BTBD9: variants seen among roughly 807,000 people sequenced by gnomAD.
BTBD9 encodes BTB/POZ domain-containing protein 9.
In BTBD9, 49 loss-of-function variants were observed where a neutral mutation model predicts 64.3. The observed-to-expected ratio is 0.76, with a 90% confidence interval of 0.61 to 0.97. The LOEUF (loss-of-function observed/expected upper bound fraction) is 0.97. Among genes scored for constraint, BTBD9 ranks in the 50% least tolerant of loss-of-function variants. The pLI is 0.00. For synonymous variants in BTBD9, 260 were observed against 274.7 expected, an observed-to-expected ratio of 0.95 and a Z score of 0.53; for missense variants, 598 against 762.1, an observed-to-expected ratio of 0.78 and a Z score of 2.53.
At chr6:38,319,795 G>A (rs1763164844) in intron 7 of BTBD9, among the ~76,000 whole-genome samples, 1 of 152,024 alleles carries the variant, frequency 6.6e-6, no homozygotes, top group Non-Finnish European at 1.5e-5. Context: ...AGCTGCCCTG[G>A]TTGGTGTCTC....
chr6:38,354,722 G>A (rs1764648599), intron 6 of BTBD9, among the ~76,000 whole-genome samples: 1 of 151,906 alleles, frequency 6.6e-6, no homozygotes, highest in Non-Finnish European at 1.5e-5. Flanking sequence ...TTAGTGAAAG[G>A]ATCGTTAAAG....
chr6:38,268,963 C>T (rs1173663979), intron 8 of BTBD9, among the ~76,000 whole-genome samples: 4 of 152,194 alleles, frequency 2.6e-5, no homozygotes, highest in African/African-American at 4.8e-5. Context: ...GGAATTTCCT[C>T]CCTGTTAGTC....
chr6:38,201,477 G>A (rs1319469954), intron 9 of BTBD9, among the ~76,000 whole-genome samples: 1 of 152,086 alleles, frequency 6.6e-6, no homozygotes, highest in African/African-American at 2.4e-5. Context: ...CAAACCCATA[G>A]CTAACATCGT....
intron 9 of BTBD9, among the ~76,000 whole-genome samples, chr6:38,216,737 C>T (rs933622790): frequency 9.2e-5 from 14 of 152,188 alleles, no homozygotes; most frequent in South Asian, 4.1e-4. Context: ...AGGAATACAG[C>T]AACCACCTTC....
At chr6:38,368,362 T>C (rs978111794) in intron 6 of BTBD9, among the ~76,000 whole-genome samples, 4 of 151,704 alleles carry the variant, frequency 2.6e-5, no homozygotes, top group Non-Finnish European at 5.9e-5. Flanking sequence ...GGGAATGGAG[T>C]CTTGCTCTGT....
At chr6:38,307,966 T>C (rs1418656360) in intron 7 of BTBD9, among the ~76,000 whole-genome samples, 1 of 152,192 alleles carries the variant, frequency 6.6e-6, no homozygotes, top group African/African-American at 2.4e-5. Context: ...CAACAGTAGA[T>C]CTCAAACATA....
intron 6 of BTBD9, among the ~76,000 whole-genome samples, chr6:38,557,501 A>C (rs530099891): frequency 9.0e-4 from 137 of 152,360 alleles, no homozygotes; most frequent in Non-Finnish European, 1.5e-3. Context: ...TTGGACAATA[A>C]TACTTATTTC....
intron 6 of BTBD9, among the ~76,000 whole-genome samples, chr6:38,572,785 G>A (rs546128545): frequency 2.0e-5 from 3 of 149,038 alleles, no homozygotes; most frequent in East Asian, 3.9e-4. Flanking sequence ...AACAAGTAGT[G>A]GAAAAAATAT....
intron 10 of BTBD9, among the ~76,000 whole-genome samples, chr6:38,175,551 G>A (rs1193524019): frequency 1.0e-5 from 1 of 99,550 alleles, no homozygotes; most frequent in Non-Finnish European, 2.8e-5. Context: ...GTCAACAGGA[G>A]TTGACTGGTG....
intron 4 of BTBD9, among the ~76,000 whole-genome samples, chr6:38,586,788 C>T (rs764978820): frequency 9.2e-5 from 14 of 152,102 alleles, no homozygotes; most frequent in Non-Finnish European, 1.3e-4. Flanking sequence ...ACTGGCCAGG[C>T]GTGGTGGCTC....
intron 6 of BTBD9, among the ~76,000 whole-genome samples, chr6:38,460,611 G>C (rs1582465662): frequency 6.6e-6 from 1 of 152,018 alleles, no homozygotes; most frequent in Non-Finnish European, 1.5e-5. Flanking sequence ...TTCACAGTTA[G>C]GGTTTTTTTT....
At chr6:38,275,862 G>A (rs1275016323) in intron 8 of BTBD9, among the ~76,000 whole-genome samples, 1 of 151,964 alleles carries the variant, frequency 6.6e-6, no homozygotes, top group Non-Finnish European at 1.5e-5. Context: ...GTGCTGGAGA[G>A]GATGTGGAGA....
intron 5 of BTBD9, among the ~76,000 whole-genome samples, chr6:38,578,002 T>C (rs1174532342): frequency 1.3e-5 from 2 of 152,160 alleles, no homozygotes; most frequent in Non-Finnish European, 2.9e-5. Flanking sequence ...ACACAGTGCT[T>C]GGCACATCAG....
intron 7 of BTBD9, among the ~76,000 whole-genome samples, chr6:38,304,966 T>A (rs965876496): frequency 6.6e-6 from 1 of 151,650 alleles, no homozygotes; most frequent in Non-Finnish European, 1.5e-5. Flanking sequence ...GTGAGTTTCA[T>A]AAGGGCAGGA....
chr6:38,590,992 A>G (rs1562386148), intron 4 of BTBD9, among the ~76,000 whole-genome samples: 1 of 152,142 alleles, frequency 6.6e-6, no homozygotes, highest in African/African-American at 2.4e-5. Flanking sequence ...GGTAGTATCA[A>G]TTGTGCACAG....
At chr6:38,203,784 G>A (rs942652455) in intron 9 of BTBD9, among the ~76,000 whole-genome samples, 12 of 150,334 alleles carry the variant, frequency 8.0e-5, no homozygotes, top group African/African-American at 2.5e-4. Flanking sequence ...AAGAAAGGGG[G>A]GTGAATAGGT....
intron 6 of BTBD9, among the ~76,000 whole-genome samples, chr6:38,553,178 T>C (rs1464389810): frequency 6.6e-6 from 1 of 152,230 alleles, no homozygotes; most frequent in Non-Finnish European, 1.5e-5. Flanking sequence ...ATATTTTCAA[T>C]CTGCAGTTGG....
At chr6:38,435,853 G>A (rs1015809076) in intron 6 of BTBD9, among the ~76,000 whole-genome samples, 4 of 151,222 alleles carry the variant, frequency 2.6e-5, no homozygotes, top group Admixed American at 2.6e-4. Flanking sequence ...ATTTTTAGTA[G>A]AGATGGAGTT....
chr6:38,619,761 C>T (rs1039787772), intron 1 of BTBD9, among the ~76,000 whole-genome samples: 1 of 152,198 alleles, frequency 6.6e-6, no homozygotes, highest in African/African-American at 2.4e-5. Context: ...AGGTACATTA[C>T]CATCTGAGGA....
Sources: gnomAD v4.1 joint callset for allele counts (sites outside exome capture counted in the v4.1 genomes callset) on GRCh38, gnomAD v4.1.1 for gene constraint, MANE v1.5 for transcripts, NCBI Gene and HGNC (gene_info 2026-07-23, HGNC 2026-07-21) for gene names.